SGCD: variants seen among roughly 807,000 people sequenced by gnomAD.
The protein encoded by SGCD is delta-sarcoglycan.
Under a neutral mutation model 36.6 loss-of-function variants are expected in SGCD, and 18 were observed. That is an observed-to-expected ratio of 0.49 (90% CI 0.34 to 0.73). SGCD has a LOEUF of 0.73. Ranked by LOEUF, SGCD falls within the 30% of genes least tolerant of loss-of-function variation. SGCD has a pLI of 0.01. For synonymous variants in SGCD, 133 were observed against 130.6 expected (o/e 1.02, Z -0.12); for missense variants, 387 against 346.7 (o/e 1.12, Z -0.92).
the SGCD span, among the ~76,000 whole-genome samples, chr5:155,779,227 TGAG>T: frequency 6.6e-6 from 1 of 152,096 alleles, no homozygotes; most frequent in East Asian, 1.9e-4. Flanking sequence ...TCACTTAAGT[TGAG>T]GAGTCCAAGA....
intron 4 of SGCD, among the ~76,000 whole-genome samples, chr5:156,569,507 G>A (rs755958616): frequency 6.6e-6 from 1 of 151,770 alleles, no homozygotes; most frequent in Admixed American, 6.6e-5. Context: ...CAGGAGAATC[G>A]CTTGAACTTC....
At chr5:156,012,754 A>G (rs973689344) in intron 1 of SGCD, among the ~76,000 whole-genome samples, 4 of 151,714 alleles carry the variant, frequency 2.6e-5, no homozygotes, top group Non-Finnish European at 4.4e-5. Context: ...ATGGGACTAC[A>G]GGTACCTGCC....
chr5:156,480,998 G>GT (rs1207813036), intron 3 of SGCD, among the ~76,000 whole-genome samples: 1 of 152,088 alleles, frequency 6.6e-6, no homozygotes, highest in Non-Finnish European at 1.5e-5. Flanking sequence ...TCCACTAATC[G>GT]TTTTACATTA....
At chr5:156,443,153 T>A (rs1268144141) in intron 3 of SGCD, among the ~76,000 whole-genome samples, 1 of 152,004 alleles carries the variant, frequency 6.6e-6, no homozygotes, top group Admixed American at 6.6e-5. Context: ...CCCAGCTAAT[T>A]TTTGTATTTT....
chr5:156,009,536 G>T (rs1221325453), intron 1 of SGCD, among the ~76,000 whole-genome samples: 1 of 152,078 alleles, frequency 6.6e-6, no homozygotes, highest in East Asian at 1.9e-4. Flanking sequence ...CCCAAGGCTC[G>T]GTCCACATAT....
At chr5:156,206,806 T>A (rs1469880569) in intron 3 of SGCD, among the ~76,000 whole-genome samples, 1 of 151,932 alleles carries the variant, frequency 6.6e-6, no homozygotes, top group Non-Finnish European at 1.5e-5. Flanking sequence ...ATATAGAATA[T>A]ATCCAAAAGA....
In SGCD at chr5:156,593,324, A is replaced by G. The variant is rs535865989; in HGVS notation, c.383-1608A>G. Reference sequence around the variant, plus strand: ...CCAGCCTTAGCATTCTCCTGCTTCAATGTAATTTTTCAGAACACGCGCACC... The same window carrying G: ...CCAGCCTTAGCATTCTCCTGCTTCAGTGTAATTTTTCAGAACACGCGCACC... On this transcript the variant is annotated intron_variant, in intron 5 of 8. Coordinates refer to ENST00000337851, the MANE Select transcript of SGCD (RefSeq NM_000337.6). Among the ~76,000 whole-genome samples, 73 of 152,250 alleles carry G rather than the reference A, an allele frequency of 4.8e-4. 1 individual carries two copies. Among genetic ancestry groups the G allele is most frequent in the African/African-American group, 1.6e-3 (67 of 41,558 alleles).
intron 1 of SGCD, among the ~76,000 whole-genome samples, chr5:155,912,152 G>A (rs1441590743): frequency 6.6e-6 from 1 of 152,008 alleles, no homozygotes; most frequent in Non-Finnish European, 1.5e-5. Context: ...TAAGTGACTT[G>A]TGTGCTCTTG....
In SGCD at chr5:156,285,444, CA is replaced by C. The variant is rs759709789; in HGVS notation, c.-43-44086del. Among the ~76,000 whole-genome samples the C allele has an allele frequency of 3.0e-4, 46 of 152,244 alleles. No individual in the cohort carries two copies. In the Middle Eastern group the frequency reaches 0.01, roughly 34 times the overall value. On this transcript the variant is annotated intron_variant, in intron 3 of 9. Transcript: ENST00000517913. Reference sequence around the variant, plus strand: ...AACAATACTACACGGCTACAGTAACCAAAACAGCATGGTACTGGTACCAAAA... The same window carrying C: ...AACAATACTACACGGCTACAGTAACCAAACAGCATGGTACTGGTACCAAAA...
chr5:155,890,790 A>T (rs1044538911), intron 1 of SGCD, among the ~76,000 whole-genome samples: 11 of 152,096 alleles, frequency 7.2e-5, no homozygotes, highest in African/African-American at 2.7e-4. Flanking sequence ...CACTATGTTG[A>T]TATGAATGAA....
At chr5:156,325,841 C>T (rs1767794643), upstream of SGCD, among the ~76,000 whole-genome samples, 1 of 152,088 alleles carries the variant, frequency 6.6e-6, no homozygotes, top group Admixed American at 6.5e-5. Context: ...ACACACACCT[C>T]CCCACACCGC....
At chr5:156,366,633 T>C (rs1433387829) in intron 3 of SGCD, among the ~76,000 whole-genome samples, 2 of 152,148 alleles carry the variant, frequency 1.3e-5, no homozygotes, top group Non-Finnish European at 2.9e-5. Flanking sequence ...TTCCTAAGAA[T>C]GAGAGAAATT....
chr5:156,176,470 C>A (rs2127624550), intron 3 of SGCD, among the ~76,000 whole-genome samples: 1 of 152,226 alleles, frequency 6.6e-6, no homozygotes, highest in Admixed American at 6.5e-5. Context: ...GTATTTCTTT[C>A]TCTCCCATAG....
Position 156,238,974 on chromosome 5 carries a change from G to A in SGCD, c.-43-90560G>A, listed in dbSNP as rs183182294. Reference sequence around the variant, plus strand: ...CAAGAAGCTGTCATTTCTGTTTTTGGACCAAAGACATTCTGAATGGTGGCT... The same window carrying A: ...CAAGAAGCTGTCATTTCTGTTTTTGAACCAAAGACATTCTGAATGGTGGCT... On this transcript the variant is annotated intron_variant, in intron 3 of 9. Coordinates refer to the SGCD transcript ENST00000517913. Among the ~76,000 whole-genome samples the A allele has an allele frequency of 8.1e-4, 123 of 152,222 alleles. 2 individuals carry two copies. The highest frequency in any genetic ancestry group is 2.9e-3 in the African/African-American group (120 of 41,530).
chr5:156,015,681 C>T (rs1241937772), intron 1 of SGCD, among the ~76,000 whole-genome samples: 1 of 151,022 alleles, frequency 6.6e-6, no homozygotes, highest in South Asian at 2.1e-4. Flanking sequence ...ATATCCTTAC[C>T]ACTTTTGTAA....
intron 1 of SGCD, among the ~76,000 whole-genome samples, chr5:156,051,944 G>A (rs77136191): frequency 1.4e-5 from 2 of 145,632 alleles, no homozygotes; most frequent in South Asian, 4.4e-4. Flanking sequence ...ATGATGTTGT[G>A]TCAGGCCTTT....
At chr5:156,247,405 T>C (rs961319979) in intron 3 of SGCD, among the ~76,000 whole-genome samples, 12 of 152,172 alleles carry the variant, frequency 7.9e-5, no homozygotes, top group African/African-American at 1.9e-4. Context: ...CATTCAATGA[T>C]TTATAATAGT....
At chr5:156,072,985 C>T (rs1760633004) in intron 1 of SGCD, among the ~76,000 whole-genome samples, 1 of 152,188 alleles carries the variant, frequency 6.6e-6, no homozygotes, top group Non-Finnish European at 1.5e-5. Context: ...GCTCCATCAG[C>T]TCCTTTAAGC....
At chr5:156,744,285 G>A (rs941110030) in intron 7 of SGCD, among the ~76,000 whole-genome samples, 2 of 152,206 alleles carry the variant, frequency 1.3e-5, no homozygotes, top group African/African-American at 4.8e-5. Flanking sequence ...AGGTGAGAAT[G>A]CAGCATCTGC....
Sources: allele counts gnomAD v4.1 joint callset (sites outside exome capture counted in the v4.1 genomes callset), GRCh38; gene constraint gnomAD v4.1.1; transcripts MANE v1.5; gene names NCBI Gene and HGNC (gene_info 2026-07-23, HGNC 2026-07-21).